MYO1E: variants seen among roughly 807,000 people sequenced by gnomAD.
The protein encoded by MYO1E is myosin IE, also known as unconventional myosin-Ie.
A neutral mutation model predicts 151.1 loss-of-function variants in MYO1E; 68 were observed. The ratio of observed to expected loss-of-function variants is 0.45; its 90% CI spans 0.37 to 0.55. MYO1E has a LOEUF of 0.55. Ranked by LOEUF, MYO1E falls within the 20% of genes least tolerant of loss-of-function variation. The pLI is 0.00. For missense variants in MYO1E, 1,363 were observed against 1,389.3 expected, an observed-to-expected ratio of 0.98 and a Z score of 0.30; for synonymous variants, 601 against 501.7, an observed-to-expected ratio of 1.20 and a Z score of -2.64.
chr15:59,323,835 T>G (rs1470989687), intron 1 of MYO1E, among the ~76,000 whole-genome samples: 1 of 152,032 alleles, frequency 6.6e-6, no homozygotes, highest in Non-Finnish European at 1.5e-5. Flanking sequence ...GGGGTCTGGC[T>G]GCCCATAAGA....
At chr15:59,337,596 C>G (rs1305665053) in intron 1 of MYO1E, among the ~76,000 whole-genome samples, 1 of 152,154 alleles carries the variant, frequency 6.6e-6, no homozygotes, top group Non-Finnish European at 1.5e-5. Flanking sequence ...TTTGGGCAGC[C>G]AAGGCAGACA....
chr15:59,142,760 T>C (rs917762251), intron 26 of MYO1E, among the ~76,000 whole-genome samples: 3 of 152,024 alleles, frequency 2.0e-5, no homozygotes, highest in Non-Finnish European at 4.4e-5. Flanking sequence ...TGAGCCCTGG[T>C]TGGGGAGAGG....
intron 1 of MYO1E, among the ~76,000 whole-genome samples, chr15:59,312,723 G>C (rs1157990754): frequency 3.3e-5 from 5 of 152,074 alleles, no homozygotes; most frequent in Admixed American, 2.6e-4. Context: ...AAACTTGTTA[G>C]AAATACAAAG....
At chr15:59,155,217 C>G (rs1446597379) in intron 25 of MYO1E, among the ~76,000 whole-genome samples, 2 of 152,170 alleles carry the variant, frequency 1.3e-5, no homozygotes, top group East Asian at 1.9e-4. Flanking sequence ...CCCTTGTCCA[C>G]GATAAGGTCA....
chr15:59,238,251 A>C (rs184891445), intron 4 of MYO1E, among the ~76,000 whole-genome samples: 1 of 152,350 alleles, frequency 6.6e-6, no homozygotes, highest in East Asian at 1.9e-4. Context: ...ATCCAGGGTC[A>C]ACACACACAC....
chr15:59,229,497 G>A (rs1349582461), intron 6 of MYO1E, among the ~76,000 whole-genome samples: 1 of 152,170 alleles, frequency 6.6e-6, no homozygotes, highest in African/African-American at 2.4e-5. Context: ...TAGCAGCCTG[G>A]GGGGGATGAC....
intron 7 of MYO1E, among the ~76,000 whole-genome samples, chr15:59,225,748 G>A (rs1028195613): frequency 3.1e-4 from 47 of 150,530 alleles, no homozygotes; most frequent in African/African-American, 9.8e-5. Flanking sequence ...CCAGGTTCAC[G>A]CCATTCTCCT....
intron 1 of MYO1E, among the ~76,000 whole-genome samples, chr15:59,361,313 G>T (rs1457677980): frequency 2.6e-5 from 4 of 152,214 alleles, no homozygotes; most frequent in African/African-American, 9.6e-5. Context: ...CTGAGTTTGG[G>T]TGATTGGTCA....
intron 5 of MYO1E, among the ~76,000 whole-genome samples, chr15:59,236,202 G>C (rs2080062070): frequency 6.6e-6 from 1 of 151,802 alleles, no homozygotes; most frequent in African/African-American, 2.4e-5. Context: ...AATTAGCTGG[G>C]CATGGTGGGG....
At chr15:59,178,615 G>A in intron 18 of MYO1E, 78 bp from the exon 19 acceptor site, 1 of 1,557,214 alleles carries the variant, frequency 6.4e-7, no homozygotes, top group Non-Finnish European at 8.7e-7. Flanking sequence ...GGCAGCAAGA[G>A]CTCTGCTCTG....
At chr15:59,322,214 T>C (rs2080631037) in intron 1 of MYO1E, among the ~76,000 whole-genome samples, 1 of 151,382 alleles carries the variant, frequency 6.6e-6, no homozygotes, top group Non-Finnish European at 1.5e-5. Context: ...AAAGAAAAAC[T>C]AACTATTGGG....
chr15:59,288,030 C>T (rs72746865), intron 1 of MYO1E, among the ~76,000 whole-genome samples: 5,146 of 152,334 alleles, frequency 0.034, 127 homozygotes, highest in Middle Eastern at 0.086. Flanking sequence ...GGGTTTTGAA[C>T]TGCGTGGTGC....
intron 6 of MYO1E, among the ~76,000 whole-genome samples, chr15:59,230,517 T>C (rs1389609341): frequency 6.6e-6 from 1 of 152,116 alleles, no homozygotes; most frequent in Non-Finnish European, 1.5e-5. Flanking sequence ...TTTTATAAGA[T>C]TTAGATTGAA....
intron 4 of MYO1E, among the ~76,000 whole-genome samples, chr15:59,244,405 T>C (rs1333813339): frequency 6.6e-6 from 1 of 152,262 alleles, no homozygotes; most frequent in Non-Finnish European, 1.5e-5. Flanking sequence ...AAAAATGTTT[T>C]CCATGTATAT....
At chr15:59,365,937 TAAA>T (rs2080910446) in intron 1 of MYO1E, among the ~76,000 whole-genome samples, 1 of 152,108 alleles carries the variant, frequency 6.6e-6, no homozygotes, top group Non-Finnish European at 1.5e-5. Context: ...ACTAAGGAGT[TAAA>T]AAATAAAAAA....
intron 19 of MYO1E, among the ~76,000 whole-genome samples, chr15:59,177,323 T>C (rs1487632824): frequency 6.6e-6 from 1 of 152,230 alleles, no homozygotes; most frequent in Non-Finnish European, 1.5e-5. Flanking sequence ...CATTCAGTTA[T>C]AGCCATTATC....
chr15:59,298,764 C>T (rs1415986550), intron 1 of MYO1E, among the ~76,000 whole-genome samples: 7 of 152,162 alleles, frequency 4.6e-5, no homozygotes, highest in African/African-American at 1.7e-4. Context: ...GGATGGAGTC[C>T]AATCATTCAG....
At chr15:59,270,693 C>T (rs150012188) in intron 2 of MYO1E, among the ~76,000 whole-genome samples, 532 of 151,238 alleles carry the variant, frequency 3.5e-3, no homozygotes, top group Middle Eastern at 0.014. Flanking sequence ...GGCTGAAGTG[C>T]AGTGGTGCGA....
At chr15:59,311,502 G>A (rs2080551718) in intron 1 of MYO1E, among the ~76,000 whole-genome samples, 1 of 152,134 alleles carries the variant, frequency 6.6e-6, no homozygotes, top group South Asian at 2.1e-4. Context: ...GGGGACCCCT[G>A]CTCTAGAAGA....
Sources: gnomAD v4.1 joint callset for allele counts (sites outside exome capture counted in the v4.1 genomes callset) on GRCh38, gnomAD v4.1.1 for gene constraint, MANE v1.5 for transcripts, NCBI Gene and HGNC (gene_info 2026-07-23, HGNC 2026-07-21) for gene names.